PRKN: variants seen among roughly 807,000 people sequenced by gnomAD.
PRKN encodes the protein parkin RBR E3 ubiquitin protein ligase, also known as E3 ubiquitin-protein ligase parkin.
Under a neutral mutation model 59.5 loss-of-function variants are expected in PRKN, and 56 were observed. That is an observed-to-expected ratio of 0.94 (90% CI 0.76 to 1.18). PRKN has a LOEUF of 1.18. Among genes scored for constraint, PRKN ranks in the 50% most tolerant of loss-of-function variants. The pLI is 0.00. For missense variants in PRKN, 657 were observed against 596.4 expected (o/e 1.10, Z -1.06); for synonymous variants, 250 against 222.1 (o/e 1.13, Z -1.12).
At chr6:161,873,392 T>G (rs1207131880) in intron 6 of PRKN, among the ~76,000 whole-genome samples, 2 of 151,814 alleles carry the variant, frequency 1.3e-5, no homozygotes, top group Non-Finnish European at 2.9e-5. Flanking sequence ...GCATGAAATA[T>G]ACACAGTCAC....
Position 162,362,622 on chromosome 6 carries a change from G to GA in PRKN, c.171+80687dup, listed in dbSNP as rs992278581. Among the ~76,000 whole-genome samples, 84 of 151,976 alleles carry GA rather than the reference G, an allele frequency of 5.5e-4. 1 individual carries two copies. In the Middle Eastern group the frequency reaches 0.017, roughly 31 times the overall value. The stretch of plus-strand genomic sequence containing the variant: ...GCAGAAAATTCTGTTAGATAAATCA[G>GA]ACTAACATGGGAGACATTGTAAATA... On this transcript the variant is annotated intron_variant, in intron 2 of 11. Transcript: ENST00000366898.
At chr6:162,645,762 G>A (rs1481363053) in intron 1 of PRKN, among the ~76,000 whole-genome samples, 2 of 151,626 alleles carry the variant, frequency 1.3e-5, no homozygotes, top group African/African-American at 2.4e-5. Flanking sequence ...TTCTATTCAC[G>A]TACTCTACGT....
chr6:161,871,899 A>G (rs1053019667), intron 6 of PRKN, among the ~76,000 whole-genome samples: 16 of 152,178 alleles, frequency 1.1e-4, no homozygotes, highest in Non-Finnish European at 1.5e-5. Flanking sequence ...CGGCTCCAGC[A>G]TTCACTGACC....
At chr6:161,757,570 G>A (rs541696853) in intron 7 of PRKN, among the ~76,000 whole-genome samples, 115 of 152,190 alleles carry the variant, frequency 7.6e-4, no homozygotes, top group African/African-American at 2.7e-3. Flanking sequence ...AGGCGCAGTG[G>A]CTTATGCCTG....
intron 6 of PRKN, among the ~76,000 whole-genome samples, chr6:161,904,121 T>G (rs1431104373): frequency 1.3e-5 from 2 of 151,998 alleles, no homozygotes; most frequent in Non-Finnish European, 2.9e-5. Flanking sequence ...CTTCAGAACC[T>G]TTGTGCCCAG....
At chr6:161,858,619 G>A (rs1263467149) in intron 6 of PRKN, among the ~76,000 whole-genome samples, 1 of 148,402 alleles carries the variant, frequency 6.7e-6, no homozygotes, top group Non-Finnish European at 1.5e-5. Flanking sequence ...AACAGAGCCC[G>A]GGAACTTTCT....
intron 2 of PRKN, among the ~76,000 whole-genome samples, chr6:162,351,567 G>T (rs1784628156): frequency 6.6e-6 from 1 of 152,104 alleles, no homozygotes; most frequent in Non-Finnish European, 1.5e-5. Flanking sequence ...GGAAGTATTT[G>T]CACAAGAGGC....
chr6:161,666,716 C>T (rs1270294578), intron 7 of PRKN, among the ~76,000 whole-genome samples: 2 of 152,260 alleles, frequency 1.3e-5, no homozygotes, highest in Non-Finnish European at 2.9e-5. Flanking sequence ...ATAAAAACCT[C>T]TGCCCCTCAC....
intron 4 of PRKN, among the ~76,000 whole-genome samples, chr6:162,112,239 G>GT (rs1458152042): frequency 6.6e-6 from 1 of 152,136 alleles, no homozygotes. Flanking sequence ...AAATATTGTG[G>GT]TAACATTCTT....
At chr6:161,761,169 T>C (rs1048681539) in intron 7 of PRKN, among the ~76,000 whole-genome samples, 11 of 152,230 alleles carry the variant, frequency 7.2e-5, no homozygotes, top group Non-Finnish European at 1.3e-4. Context: ...CAACAAAACA[T>C]AGTAGGTACT....
At chr6:162,182,338 A>G (rs1783833495) in intron 4 of PRKN, among the ~76,000 whole-genome samples, 2 of 152,228 alleles carry the variant, frequency 1.3e-5, no homozygotes, top group African/African-American at 4.8e-5. Flanking sequence ...ATTCAGAGAT[A>G]TTGAAGACAG....
chr6:161,733,801 T>C (rs1308602771), intron 7 of PRKN, among the ~76,000 whole-genome samples: 4 of 39,806 alleles, frequency 1.0e-4, no homozygotes, highest in Non-Finnish European at 2.3e-4. Flanking sequence ...TATATATGTA[T>C]ATATATATAT....
At chr6:162,016,635 C>T (rs192152962) in intron 5 of PRKN, among the ~76,000 whole-genome samples, 5 of 152,198 alleles carry the variant, frequency 3.3e-5, no homozygotes, top group Admixed American at 2.0e-4. Flanking sequence ...ACACTCTCCT[C>T]GTGGCTGACC....
chr6:162,505,432 C>A (rs62428857), intron 1 of PRKN, among the ~76,000 whole-genome samples: 1 of 151,834 alleles, frequency 6.6e-6, no homozygotes, highest in South Asian at 2.1e-4. Flanking sequence ...CACCTGGAAA[C>A]GTATTAAAAT....
chr6:161,705,279 C>A (rs1786437895), intron 7 of PRKN, among the ~76,000 whole-genome samples: 1 of 152,192 alleles, frequency 6.6e-6, no homozygotes, highest in Non-Finnish European at 1.5e-5. Flanking sequence ...GCCTAGCCTA[C>A]CTTAAATGTG....
rs1473302495 is a variant in PRKN, at chr6:161,363,620, A to G, written c.1168-3415T>C. On this transcript the variant is annotated intron_variant, in intron 10 of 11. Coordinates refer to ENST00000366898, the MANE Select transcript of PRKN (RefSeq NM_004562.3). This position sits in a 1 kb window ranked among gnomAD's most constrained non-coding sequence, Gnocchi z 4.1. ...GGAGATAACAAAGAGCATGAGAGAG[A>G]AACAGTGTTTGGAGAGAGTGGCAAA... Among the ~76,000 whole-genome samples, 1 of 152,178 alleles carries G rather than the reference A, an allele frequency of 6.6e-6. No homozygotes were observed. Among genetic ancestry groups the G allele is most frequent in the African/African-American group, 2.4e-5 (1 of 41,428 alleles).
intron 1 of PRKN, among the ~76,000 whole-genome samples, chr6:162,611,228 C>T (rs751021549): frequency 6.6e-6 from 1 of 152,126 alleles, no homozygotes; most frequent in Non-Finnish European, 1.5e-5. Flanking sequence ...AGGGGTTTCT[C>T]GAGCCTTGTT....
chr6:161,552,286 G>C lies in PRKN; in HGVS notation c.934-3283C>G, dbSNP rs936812287. On this transcript the variant is annotated intron_variant, in intron 8 of 11. Transcript: ENST00000366898. This position sits in a 1 kb window ranked among gnomAD's most constrained non-coding sequence, Gnocchi z 4.9. ...TGCCTATGACTGTGAATGATCTCACGGTGATCCTCCAAGCCCCTCTCCCTC... is the reference window on the plus strand; with the variant it reads ...TGCCTATGACTGTGAATGATCTCACCGTGATCCTCCAAGCCCCTCTCCCTC... 6.6e-6 allele frequency among the ~76,000 whole-genome samples: 1 copy of C among 151,942 alleles called. No individual in the cohort carries two copies. The highest frequency in any genetic ancestry group is 1.5e-5 in the Non-Finnish European group (1 of 67,996).
chr6:161,628,815 G>A (rs982793144), intron 7 of PRKN, among the ~76,000 whole-genome samples: 1 of 152,202 alleles, frequency 6.6e-6, no homozygotes, highest in African/African-American at 2.4e-5. Flanking sequence ...GGATGTAGAG[G>A]CGCGTAATAG....
Sources: allele counts gnomAD v4.1 joint callset (sites outside exome capture counted in the v4.1 genomes callset), GRCh38; gene constraint gnomAD v4.1.1; non-coding constraint Gnocchi (gnomAD v3.1); transcripts MANE v1.5; gene names NCBI Gene and HGNC (gene_info 2026-07-23, HGNC 2026-07-21).